RUNX1: variants seen among roughly 807,000 people sequenced by gnomAD.
RUNX1 encodes the protein runt-related transcription factor 1.
RUNX1 carries 19 observed loss-of-function variants against 42.8 expected under a neutral mutation model. The ratio of observed to expected loss-of-function variants is 0.44; its 90% confidence interval spans 0.31 to 0.65. The LOEUF (loss-of-function observed/expected upper bound fraction) is 0.65. Ranked by LOEUF, RUNX1 falls within the 30% of genes least tolerant of loss-of-function variation. RUNX1 has a pLI of 0.07. For synonymous variants in RUNX1, 271 were observed against 289.4 expected, an observed-to-expected ratio of 0.94 and a Z score of 0.64; for missense variants, 528 against 672.0, an observed-to-expected ratio of 0.79 and a Z score of 2.37.
chr21:34,808,162 T>C (rs1239400521), intron 7 of RUNX1, among the ~76,000 whole-genome samples: 2 of 152,234 alleles, frequency 1.3e-5, no homozygotes, highest in Admixed American at 6.5e-5. Flanking sequence ...AGCTCCAGGA[T>C]TTGCCAACCG....
chr21:34,970,851 G>A (rs1039136494), intron 2 of RUNX1, among the ~76,000 whole-genome samples: 2 of 151,892 alleles, frequency 1.3e-5, no homozygotes, highest in East Asian at 3.9e-4. Context: ...TATTACTCTC[G>A]CAACTTTCCT....
chr21:35,024,735 C>T (rs1202571411), intron 2 of RUNX1, among the ~76,000 whole-genome samples: 1 of 152,236 alleles, frequency 6.6e-6, no homozygotes, highest in Non-Finnish European at 1.5e-5. Context: ...GATGTTGTAG[C>T]TAATACTGCC....
chr21:34,839,578 T>C (rs186848248), intron 6 of RUNX1, among the ~76,000 whole-genome samples: 1 of 152,258 alleles, frequency 6.6e-6, no homozygotes, highest in East Asian at 1.9e-4. Flanking sequence ...TCCCAGTGTG[T>C]GTGTAGAATC....
intron 2 of RUNX1, among the ~76,000 whole-genome samples, chr21:34,974,024 CTT>C (rs1196704454): frequency 7.9e-5 from 12 of 152,166 alleles, no homozygotes; most frequent in Non-Finnish European, 2.9e-5. Context: ...TTTCAGATCT[CTT>C]TGCCTCCACA....
chr21:34,945,202 T>C (rs552933219), intron 2 of RUNX1, among the ~76,000 whole-genome samples: 2 of 152,348 alleles, frequency 1.3e-5, no homozygotes, highest in East Asian at 3.9e-4. Flanking sequence ...ACATCTACAG[T>C]TTCAGATGGA....
chr21:34,993,692 GGC>G (rs1204867479), intron 2 of RUNX1, among the ~76,000 whole-genome samples: 6,843 of 46,076 alleles, frequency 0.15, 1,131 homozygotes, highest in African/African-American at 0.39. Context: ...CACACACACA[GGC>G]GCACACACAC....
chr21:35,018,344 G>T (rs1042617475), intron 2 of RUNX1, among the ~76,000 whole-genome samples: 11 of 152,032 alleles, frequency 7.2e-5, no homozygotes, highest in African/African-American at 2.7e-4. Flanking sequence ...ATATTTCCAA[G>T]GCCCAGCCCC....
intron 2 of RUNX1, among the ~76,000 whole-genome samples, chr21:34,949,244 CCAGTAT>C (rs1415779477): frequency 6.6e-6 from 1 of 152,166 alleles, no homozygotes; most frequent in Non-Finnish European, 1.5e-5. Flanking sequence ...CACTAAACAA[CCAGTAT>C]CAGTAGAGCA....
chr21:34,888,357 C>G (rs2058028276), intron 3 of RUNX1: 2 of 1,067,612 alleles, frequency 1.9e-6, no homozygotes, highest in African/African-American at 3.3e-5. Flanking sequence ...GCCACGCACA[C>G]GCAACTTCAC....
At chr21:34,902,159 C>A (rs1376854657) in intron 2 of RUNX1, among the ~76,000 whole-genome samples, 2 of 152,124 alleles carry the variant, frequency 1.3e-5, no homozygotes, top group African/African-American at 4.8e-5. Context: ...TATTTGGATT[C>A]TTTGTGTTTA....
chr21:34,874,630 A>AAAAAAAAAAAAAAAAC (rs1569074693), intron 5 of RUNX1, among the ~76,000 whole-genome samples: 1 of 147,838 alleles, frequency 6.8e-6, no homozygotes, highest in African/African-American at 2.5e-5. Context: ...AAAAAAAAAA[A>AAAAAAAAAAAAAAAAC]AAAAAGACAG....
chr21:34,800,593 T>C (rs2056594427), intron 7 of RUNX1, among the ~76,000 whole-genome samples: 1 of 152,212 alleles, frequency 6.6e-6, no homozygotes, highest in African/African-American at 2.4e-5. Flanking sequence ...ATGAGCTATT[T>C]CTGCTCATTA....
intron 2 of RUNX1, among the ~76,000 whole-genome samples, chr21:34,947,810 C>T (rs747904762): frequency 2.0e-5 from 3 of 152,226 alleles, no homozygotes; most frequent in Non-Finnish European, 4.4e-5. Flanking sequence ...TCCAAACTTT[C>T]GCCAAAGTGT....
intron 6 of RUNX1, among the ~76,000 whole-genome samples, chr21:34,857,110 C>A (rs2057504964): frequency 6.6e-6 from 1 of 152,192 alleles, no homozygotes; most frequent in African/African-American, 2.4e-5. Context: ...GACTTTCTAC[C>A]TGGGGCTATT....
At chr21:34,882,767 CCTTT>C (rs2057924924) in intron 4 of RUNX1, among the ~76,000 whole-genome samples, 2 of 151,836 alleles carry the variant, frequency 1.3e-5, no homozygotes, top group East Asian at 3.9e-4. Context: ...CAAATTTTCC[CCTTT>C]TTTTCATGAT....
intron 2 of RUNX1, among the ~76,000 whole-genome samples, chr21:34,933,525 C>A (rs1855651603): frequency 6.6e-6 from 1 of 152,144 alleles, no homozygotes; most frequent in Admixed American, 6.6e-5. Flanking sequence ...TGACTTCTGG[C>A]AAGCTGGAGT....
Position 34,993,806 on chromosome 21 carries a change from C to G in RUNX1, c.58+55036G>C, listed in dbSNP as rs576386360. Among the ~76,000 whole-genome samples, 10 of 129,490 alleles carry G rather than the reference C, an allele frequency of 7.7e-5. 1 individual carries two copies. Among genetic ancestry groups the G allele is most frequent in the African/African-American group, 4.7e-4 (10 of 21,302 alleles). The allele number at this position is 129,490 out of a possible 152,430, so 85.0% of individuals were successfully genotyped here. Reference sequence around the variant, plus strand: ...ACACACACACAGACACACACACAGACACACACACACACATACACAGACACA... The same window carrying G: ...ACACACACACAGACACACACACAGAGACACACACACACATACACAGACACA... On this transcript the variant is annotated intron_variant, in intron 2 of 8. Transcript: ENST00000675419.
chr21:34,957,085 A>C (rs1411945190), intron 2 of RUNX1, among the ~76,000 whole-genome samples: 2 of 152,212 alleles, frequency 1.3e-5, no homozygotes, highest in Non-Finnish European at 2.9e-5. Context: ...GAAGCTGGCC[A>C]CGAAGCCTCT....
intron 6 of RUNX1, among the ~76,000 whole-genome samples, chr21:34,849,322 ATTATATATACTAT>A (rs2057368016): frequency 4.7e-5 from 2 of 42,932 alleles, no homozygotes; most frequent in Non-Finnish European, 4.4e-5. Flanking sequence ...TTATATATAT[ATTATATATACTAT>A]ATATATTATA....
Sources: gnomAD v4.1 joint callset for allele counts (sites outside exome capture counted in the v4.1 genomes callset) on GRCh38, gnomAD v4.1.1 for gene constraint, MANE v1.5 for transcripts, NCBI Gene and HGNC (gene_info 2026-07-23, HGNC 2026-07-21) for gene names.